PNLDC1: variants seen among roughly 807,000 people sequenced by gnomAD.
The protein encoded by PNLDC1 is poly(A)-specific ribonuclease PNLDC1.
PNLDC1 carries 70 observed loss-of-function variants against 82.0 expected under a neutral mutation model. That is an observed-to-expected ratio of 0.85 (90% CI 0.70 to 1.04). The LOEUF is 1.04. Ranked by LOEUF, PNLDC1 falls within the 50% of genes least tolerant of loss-of-function variation. The pLI, the probability that PNLDC1 is intolerant of heterozygous loss-of-function variation, is 0.00. For missense variants in PNLDC1, 631 were observed against 661.1 expected, an observed-to-expected ratio of 0.95 and a Z score of 0.50; for synonymous variants, 280 against 249.3, an observed-to-expected ratio of 1.12 and a Z score of -1.16.
intron 10 of PNLDC1, among the ~76,000 whole-genome samples, chr6:159,811,247 G>A (rs926624327): frequency 1.3e-5 from 2 of 152,206 alleles, no homozygotes; most frequent in Non-Finnish European, 2.9e-5. Flanking sequence ...CTCTTTAGGT[G>A]CAGGTATAAC....
At position 159,800,299 on chromosome 6, in the gene PNLDC1, TGC is replaced by T; in HGVS notation, c.-8_-7del. On this transcript the variant is annotated 5_prime_UTR_variant, in exon 1 of 19. Coordinates refer to ENST00000392167, the MANE Select transcript of PNLDC1 (RefSeq NM_001271862.2). The stretch of plus-strand genomic sequence containing the variant: ...ATAGCGCTGGGCGACTCCGCGGAGC[TGC>T]ACGGCCATGGACGTGGGCGCCGACG... 6.5e-7 allele frequency: 1 copy of T among 1,545,426 alleles called. No individual in the cohort carries two copies. Among genetic ancestry groups the T allele is most frequent in the Non-Finnish European group, 8.7e-7 (1 of 1,144,552 alleles).
At position 159,805,794 on chromosome 6, in the gene PNLDC1, A is replaced by G. The variant is rs1057247671; in HGVS notation, c.462-189A>G. The stretch of plus-strand genomic sequence containing the variant: ...TGGATCCTATGGAAGGTTGTGGGCT[A>G]TTCTTCCAATTGTTTGGCTTCCTAT... On this transcript the variant is annotated intron_variant, in intron 6 of 18. Transcript: ENST00000392167. 5.1e-6 allele frequency: 3 copies of G among 584,230 alleles called. No individual in the cohort carries two copies. The South Asian group carries it at 5.8e-5, about 11-fold the overall frequency. The allele number at this position is 584,230 out of a possible 1,614,324, so 36.2% of individuals were successfully genotyped here. A position where few individuals can be genotyped will look rare whatever the true frequency, so the allele number is the denominator to read the frequency against.
intron 11 of PNLDC1, among the ~76,000 whole-genome samples, chr6:159,812,871 A>G (rs1781688221): frequency 6.6e-6 from 1 of 152,116 alleles, no homozygotes; most frequent in African/African-American, 2.4e-5. Context: ...AAAAATACAA[A>G]AATTACCTGG....
chr6:159,801,206 T>A lies in PNLDC1; in HGVS notation c.208+20T>A, dbSNP rs1781241413. 1.2e-6 allele frequency: 2 copies of A among 1,604,008 alleles called. No homozygotes were observed. The highest frequency in any genetic ancestry group is 3.3e-5 in the Admixed American group (2 of 59,992). On this transcript the variant is annotated intron_variant, in intron 3 of 18. Transcript: ENST00000392167. ...AGATTGGTGAGTTTAATATCAGCTG[T>A]TAGAGTTTTTCAAGAAGGTATTTTT... is the stretch of plus-strand genomic sequence containing the variant.
intron 1 of PNLDC1, 122 bp downstream of exon 1, chr6:159,800,505 G>C: frequency 2.3e-6 from 3 of 1,316,438 alleles, no homozygotes; most frequent in Non-Finnish European, 3.1e-6. Context: ...GGGAAGGACA[G>C]GGGGGCTTCC....
intron 7 of PNLDC1, among the ~76,000 whole-genome samples, 184 bp from the exon 8 acceptor site, chr6:159,808,556 A>C (rs1781533263): frequency 6.6e-6 from 1 of 150,724 alleles, no homozygotes; most frequent in East Asian, 1.9e-4. Context: ...AACTCTTAGA[A>C]TGCTGCCCCA....
At chr6:159,816,122 A>ACCCCCCCCCCCCCACCCGCCACC in intron 13 of PNLDC1, 89 bp downstream of exon 13, 1 of 526,640 alleles carries the variant, frequency 1.9e-6, no homozygotes, top group South Asian at 3.9e-5. Context: ...GTTCCCCCAC[A>ACCCCCCCCCCCCCACCCGCCACC]CCCCTCCCCA....
intron 11 of PNLDC1, 107 bp downstream of exon 11, chr6:159,811,893 TG>T (rs917906634): frequency 4.1e-6 from 1 of 245,206 alleles, no homozygotes; most frequent in Non-Finnish European, 7.2e-6. Context: ...TTTTTTGTTT[TG>T]TTTTGTTTTG....
chr6:159,814,136 T>C (rs898094281), intron 12 of PNLDC1, among the ~76,000 whole-genome samples: 1 of 152,128 alleles, frequency 6.6e-6, no homozygotes, highest in Non-Finnish European at 1.5e-5. Flanking sequence ...CTGAACTCTC[T>C]ATGCTCCTCT....
At chr6:159,815,845 G>T in intron 12 of PNLDC1, 124 bp from the exon 13 acceptor site, 1 of 694,958 alleles carries the variant, frequency 1.4e-6, no homozygotes, top group Admixed American at 2.4e-5. Flanking sequence ...GCTTAGATTT[G>T]CACCTTAAAG....
At position 159,800,293 on chromosome 6, in the gene PNLDC1, C is replaced by T. The variant is rs972203982; in HGVS notation, c.-15C>T. ...CACGTGATAGCGCTGGGCGACTCCGCGGAGCTGCACGGCCATGGACGTGGG... is the reference window on the plus strand; with the variant it reads ...CACGTGATAGCGCTGGGCGACTCCGTGGAGCTGCACGGCCATGGACGTGGG... On this transcript the variant is annotated 5_prime_UTR_variant, in exon 1 of 19. Transcript: ENST00000392167. The T allele has an allele frequency of 4.5e-6, 7 of 1,543,668 alleles. No homozygotes were observed. In the African/African-American group the frequency reaches 5.5e-5, roughly 12 times the overall value.
rs962667560 is a variant in PNLDC1 at position 159,819,200 on chromosome 6, A to C, written c.1434-54A>C. The C allele has an allele frequency of 6.3e-5, 101 of 1,611,246 alleles. No homozygotes were observed. The highest frequency in any genetic ancestry group is 5.3e-4 in the Admixed American group (32 of 59,960). On this transcript the variant is annotated intron_variant, in intron 17 of 18. Transcript: ENST00000392167. This position sits in a 1 kb window ranked among gnomAD's most constrained non-coding sequence, Gnocchi z 4.6. Reference sequence around the variant, plus strand: ...TCTCTGACTCCACCCGCCTGATCACAGCAGGCGGCGCCATCCTGCTGCCTG... The same window carrying C: ...TCTCTGACTCCACCCGCCTGATCACCGCAGGCGGCGCCATCCTGCTGCCTG...
intron 1 of PNLDC1, 93 bp downstream of exon 1, chr6:159,800,476 G>A: frequency 1.4e-6 from 2 of 1,422,248 alleles, no homozygotes; most frequent in Non-Finnish European, 1.9e-6. Context: ...CCAGGCCACA[G>A]GGCCTCAGAG....
At chr6:159,804,962 G>A (rs999432635) in intron 6 of PNLDC1, among the ~76,000 whole-genome samples, 2 of 152,218 alleles carry the variant, frequency 1.3e-5, no homozygotes, top group African/African-American at 2.4e-5. Context: ...GGAAGAAATC[G>A]TTCTGTTGGA....
At position 159,804,427 on chromosome 6, in the gene PNLDC1, A is replaced by G; in HGVS notation, c.373-122A>G. ...CCTGGGAATGTCTTACAAGTGATCT[A>G]GACGAACTGGCTTATACAGCCCGTC... On this transcript the variant is annotated intron_variant, in intron 5 of 18. Coordinates refer to ENST00000392167, the MANE Select transcript of PNLDC1 (RefSeq NM_001271862.2). 1.3e-5 allele frequency: 9 copies of G among 713,430 alleles called. 1 individual carries two copies. In the South Asian group the frequency reaches 1.7e-4, roughly 13 times the overall value. The allele number at this position is 713,430 out of a possible 1,614,324, so 44.2% of individuals were successfully genotyped here. A position where few individuals can be genotyped will look rare whatever the true frequency, so the allele number is the denominator to read the frequency against.
intron 15 of PNLDC1, among the ~76,000 whole-genome samples, chr6:159,818,131 T>G (rs1028201961): frequency 6.6e-6 from 1 of 152,090 alleles, no homozygotes; most frequent in African/African-American, 2.4e-5. Context: ...TGCGCTCAGG[T>G]GTGTGTGCTC....
intron 12 of PNLDC1, among the ~76,000 whole-genome samples, chr6:159,814,510 C>T (rs1347400445): frequency 6.6e-6 from 1 of 152,102 alleles, no homozygotes; most frequent in African/African-American, 2.4e-5. Context: ...CTTGATGTTC[C>T]CACCCTACAT....
Position 159,813,650 on chromosome 6 carries a change from T to G in PNLDC1, c.989T>G (p.Leu330Arg). 6.2e-7 allele frequency: 1 copy of G among 1,613,834 alleles called. No individual in the cohort carries two copies. The highest frequency in any genetic ancestry group is 8.5e-7 in the Non-Finnish European group (1 of 1,179,698). ...VSNLSEVYEV[L>R]NSDLNPTKNS... ...AATCTTTCGGAAGTCTATGAAGTCC[T>G]GAACAGGTGAGGACGGCGATTCCTG... Residue 330 changes from leucine (L) to arginine (R), a missense_variant, in exon 12 of 19, where the codon CTG becomes CGG. Coordinates refer to ENST00000392167, the MANE Select transcript of PNLDC1 (RefSeq NM_001271862.2).
In PNLDC1 at chr6:159,813,589, C is replaced by T; in HGVS notation, c.940-12C>T. The T allele has an allele frequency of 6.2e-7, 1 of 1,608,166 alleles. No homozygotes were observed. Among genetic ancestry groups the T allele is most frequent in the Non-Finnish European group, 8.5e-7 (1 of 1,174,558 alleles). ...CAAATGTTTTCCTCTGGTTTGTTTT[C>T]CATGATTGTAGGAGATGAATTTCCC... On this transcript the variant is annotated splice_polypyrimidine_tract_variant and intron_variant, in intron 11 of 18. Coordinates refer to ENST00000392167, the MANE Select transcript of PNLDC1 (RefSeq NM_001271862.2).
Sources: gnomAD v4.1 joint callset for allele counts (sites outside exome capture counted in the v4.1 genomes callset) on GRCh38, gnomAD v4.1.1 for gene constraint, Gnocchi (gnomAD v3.1) non-coding constraint, MANE v1.5 for transcripts, NCBI Gene and HGNC (gene_info 2026-07-23, HGNC 2026-07-21) for gene names.